Variants in LYPD6B observed in about 807,000 individuals in gnomAD.
LYPD6B encodes LY6/PLAUR domain containing 6B.
In LYPD6B, 17 loss-of-function variants were observed where a neutral mutation model predicts 22.8. The observed-to-expected ratio is 0.75, with a 90% CI of 0.51 to 1.12. The LOEUF (loss-of-function observed/expected upper bound fraction) is 1.12. Ranked by LOEUF, LYPD6B falls within the 50% of genes most tolerant of loss-of-function variation. The pLI is 0.00. For missense variants in LYPD6B, 221 were observed against 258.3 expected, an observed-to-expected ratio of 0.86 and a Z score of 0.99; for synonymous variants, 106 against 91.6, an observed-to-expected ratio of 1.16 and a Z score of -0.90.
intron 3 of LYPD6B, among the ~76,000 whole-genome samples, chr2:149,191,752 TCAA>T (rs767098331): frequency 6.6e-6 from 1 of 151,978 alleles, no homozygotes; most frequent in Non-Finnish European, 1.5e-5. Context: ...GAAATGGGAG[TCAA>T]ATATGTGACA....
intron 1 of LYPD6B, among the ~76,000 whole-genome samples, chr2:149,054,746 G>A (rs1456329174): frequency 2.0e-5 from 3 of 152,022 alleles, no homozygotes; most frequent in Admixed American, 2.0e-4. Context: ...GGGCATCGTG[G>A]CGTGCACCTG....
chr2:149,151,213 A>G (rs1689352053), intron 2 of LYPD6B, among the ~76,000 whole-genome samples: 1 of 152,098 alleles, frequency 6.6e-6, no homozygotes, highest in Non-Finnish European at 1.5e-5. Flanking sequence ...GTGGGTATAT[A>G]TGGTGTCCTC....
At chr2:149,169,276 G>A (rs1209019890) in intron 3 of LYPD6B, among the ~76,000 whole-genome samples, 1 of 151,936 alleles carries the variant, frequency 6.6e-6, no homozygotes, top group Non-Finnish European at 1.5e-5. Context: ...CCCAAAACAG[G>A]CAATGTTAGC....
At chr2:149,061,948 T>C (rs1290161567) in intron 1 of LYPD6B, among the ~76,000 whole-genome samples, 2 of 151,830 alleles carry the variant, frequency 1.3e-5, no homozygotes, top group African/African-American at 4.8e-5. Context: ...TTTTCAGGGA[T>C]AGGAAGGAGA....
intron 1 of LYPD6B, among the ~76,000 whole-genome samples, chr2:149,070,426 C>T (rs1005928657): frequency 6.6e-6 from 1 of 152,126 alleles, no homozygotes; most frequent in Non-Finnish European, 1.5e-5. Context: ...TAATATCTAA[C>T]ACACTATAAA....
At position 149,150,169 on chromosome 2, in the gene LYPD6B, A is replaced by T. The variant is rs183710312; in HGVS notation, c.6-10595A>T. On this transcript the variant is annotated intron_variant, in intron 2 of 6. Coordinates refer to ENST00000409642, the MANE Select transcript of LYPD6B (RefSeq NM_177964.5). The stretch of plus-strand genomic sequence containing the variant: ...GAGCATATGTAAACCTCATTGCTAT[A>T]AGCAGCTTGGAGCCCTGAATCTTCT... 4.4e-4 allele frequency among the ~76,000 whole-genome samples: 67 copies of T among 152,290 alleles called. 1 individual carries two copies. The highest frequency in any genetic ancestry group is 1.5e-3 in the African/African-American group (62 of 41,564).
intron 3 of LYPD6B, among the ~76,000 whole-genome samples, chr2:149,202,605 C>A (rs552866920): frequency 2.0e-5 from 3 of 152,262 alleles, no homozygotes; most frequent in African/African-American, 7.2e-5. Context: ...TTATGTTTTG[C>A]CCGCATGTAT....
chr2:149,040,913 C>T (rs909468367), intron 1 of LYPD6B, among the ~76,000 whole-genome samples: 1 of 152,130 alleles, frequency 6.6e-6, no homozygotes, highest in Non-Finnish European at 1.5e-5. Flanking sequence ...ATGCCAGGGC[C>T]TCTGCCAAGG....
chr2:149,173,577 G>A (rs1445393087), intron 3 of LYPD6B, among the ~76,000 whole-genome samples: 1 of 151,872 alleles, frequency 6.6e-6, no homozygotes, highest in African/African-American at 2.4e-5. Context: ...AAATTATTTG[G>A]CAGCTTATAA....
At chr2:149,201,852 C>T (rs934698847) in intron 3 of LYPD6B, among the ~76,000 whole-genome samples, 7 of 152,190 alleles carry the variant, frequency 4.6e-5, no homozygotes, top group Admixed American at 3.9e-4. Context: ...TCAAGTTTAG[C>T]AGGCTAGGCT....
chr2:149,145,404 A>G (rs906529657), intron 2 of LYPD6B, among the ~76,000 whole-genome samples: 2 of 152,208 alleles, frequency 1.3e-5, no homozygotes, highest in Non-Finnish European at 2.9e-5. Context: ...AGATACTAAC[A>G]GTTTACTTGG....
intron 1 of LYPD6B, among the ~76,000 whole-genome samples, chr2:149,067,803 T>G (rs1684409715): frequency 6.6e-6 from 1 of 152,282 alleles, no homozygotes; most frequent in African/African-American, 2.4e-5. Context: ...ATTATCTTCT[T>G]AGTGCAACAG....
intron 3 of LYPD6B, among the ~76,000 whole-genome samples, chr2:149,198,804 A>C: frequency 6.6e-6 from 1 of 152,238 alleles, no homozygotes; most frequent in African/African-American, 2.4e-5. Flanking sequence ...GCAGTACAGC[A>C]GGAATCTGAA....
In LYPD6B at chr2:149,084,757, G is replaced by A. The variant is rs147882837; in HGVS notation, c.-67+45956G>A. ...ATTAATAAGGACATTCTGTTGACCT[G>A]TGGTGTTATGTGAGCTGTTCCTTCT... On this transcript the variant is annotated intron_variant, in intron 1 of 6. Transcript: ENST00000409642. 1.6e-3 allele frequency among the ~76,000 whole-genome samples: 246 copies of A among 152,312 alleles called. 6 individuals are homozygous for A. In the East Asian group the frequency reaches 0.045, roughly 28 times the overall value.
intron 1 of LYPD6B, among the ~76,000 whole-genome samples, chr2:149,114,362 G>A (rs143710276): frequency 7.6e-4 from 116 of 152,246 alleles, no homozygotes; most frequent in Non-Finnish European, 1.5e-3. Flanking sequence ...TTGTGCTGCT[G>A]AATTAAATCA....
intron 1 of LYPD6B, among the ~76,000 whole-genome samples, chr2:149,114,671 T>C (rs1686917602): frequency 2.0e-5 from 3 of 152,214 alleles, no homozygotes; most frequent in Non-Finnish European, 2.9e-5. Flanking sequence ...CCAAGCGTTC[T>C]TCCATCCTAA....
At chr2:149,070,963 T>A (rs1684576955) in intron 1 of LYPD6B, among the ~76,000 whole-genome samples, 1 of 152,226 alleles carries the variant, frequency 6.6e-6, no homozygotes, top group Non-Finnish European at 1.5e-5. Context: ...TCCTTGGCAC[T>A]GAGATTCCAT....
At chr2:149,147,233 C>T (rs538053875) in intron 2 of LYPD6B, among the ~76,000 whole-genome samples, 16 of 151,318 alleles carry the variant, frequency 1.1e-4, no homozygotes, top group South Asian at 8.4e-4. Context: ...AAACAAAAAA[C>T]GAAGCAGAAA....
Position 149,140,829 on chromosome 2 carries a change from T to C in LYPD6B, c.5+9876T>C, listed in dbSNP as rs116002986. Among the ~76,000 whole-genome samples the C allele has an allele frequency of 8.9e-3, 1,360 of 152,336 alleles. 16 individuals carry two copies. The highest frequency in any genetic ancestry group is 0.031 in the African/African-American group (1,281 of 41,572). On this transcript the variant is annotated intron_variant, in intron 2 of 6. Transcript: ENST00000409642. ...TCCAGAGAGAAAACTTTTCTCCATT[T>C]GTCCCATCTTTGATCGTTCGTTAGG...
Sources: gnomAD v4.1 joint callset for allele counts (sites outside exome capture counted in the v4.1 genomes callset) on GRCh38, gnomAD v4.1.1 for gene constraint, MANE v1.5 for transcripts, NCBI Gene and HGNC (gene_info 2026-07-23, HGNC 2026-07-21) for gene names.